The following CDV3 variants were observed in gnomAD, a reference collection of about 807,000 sequenced individuals.
The protein encoded by CDV3 is protein CDV3 homolog.
In CDV3, 14 loss-of-function variants were observed where a neutral mutation model predicts 24.5. That is an observed-to-expected ratio of 0.57 (90% CI 0.38 to 0.89). The LOEUF (loss-of-function observed/expected upper bound fraction) is 0.89, where lower values mean the gene tolerates loss of function less well. CDV3 is among the 40% of genes least tolerant of loss of function. The pLI, the probability that CDV3 is intolerant of heterozygous loss-of-function variation, is 0.00. For missense variants in CDV3, 304 were observed against 310.2 expected (o/e 0.98, Z 0.15); for synonymous variants, 114 against 114.1 (o/e 1.00, Z 0.00).
intron 2 of CDV3, among the ~76,000 whole-genome samples, chr3:133,576,627 A>G (rs548573693): frequency 7.2e-5 from 11 of 152,252 alleles, no homozygotes; most frequent in African/African-American, 2.4e-4. Flanking sequence ...TTGTTAAACT[A>G]TGGAGATTAT....
intron 3 of CDV3, among the ~76,000 whole-genome samples, chr3:133,585,934 C>G (rs1053435937): frequency 1.3e-5 from 2 of 152,176 alleles, no homozygotes; most frequent in Non-Finnish European, 2.9e-5. Context: ...AAGTCCTATT[C>G]TGAGAGGCAG....
chr3:133,583,655 C>T (rs987395027), intron 2 of CDV3, among the ~76,000 whole-genome samples: 5 of 152,126 alleles, frequency 3.3e-5, no homozygotes, highest in South Asian at 2.1e-4. Context: ...CTCTGCCTTC[C>T]GGGTTCAAGG....
chr3:133,574,350 C>T lies in CDV3; in HGVS notation c.240+66C>T, dbSNP rs1302640736. 1.1e-5 allele frequency: 10 copies of T among 920,806 alleles called. No individual in the cohort carries two copies. The African/African-American group carries it at 1.8e-4, about 17-fold the overall frequency. 57.0% of individuals were successfully genotyped at this position (920,806 alleles called of 1,614,324 possible). The stretch of plus-strand genomic sequence containing the variant: ...CGCCGGCGCCCCATGTGCCCGCCCC[C>T]GCCTGCCGGGGAAGCGTCCGGGAGG... On this transcript the variant is annotated intron_variant, in intron 1 of 4. Transcript: ENST00000264993.
chr3:133,590,122 T>G lies in CDV3; in HGVS notation c.*2076T>G, dbSNP rs1432491644. 6.6e-6 allele frequency: 1 copy of G among 152,172 alleles called. No homozygotes were observed. Among genetic ancestry groups the G allele is most frequent in the African/African-American group, 2.4e-5 (1 of 41,444 alleles). 9.4% of individuals were successfully genotyped at this position (152,172 alleles called of 1,614,324 possible). A position where few individuals can be genotyped will look rare whatever the true frequency, so the allele number is the denominator to read the frequency against. ...AAAAGATTGTGAAAATATCAAAATATAAATGAATCAAGTTTTAATATACTG... is the reference window on the plus strand; with the variant it reads ...AAAAGATTGTGAAAATATCAAAATAGAAATGAATCAAGTTTTAATATACTG... On this transcript the variant is annotated 3_prime_UTR_variant, in exon 5 of 5. Transcript: ENST00000264993.
At position 133,573,908 on chromosome 3, in the gene CDV3, C is replaced by T. The variant is rs2074700108; in HGVS notation, c.-137C>T. The stretch of plus-strand genomic sequence containing the variant: ...GGAGCCGCCCGTCTCGCCGCGCACG[C>T]CTCGGCGACCCCGCGGGGCTGAGGC... On this transcript the variant is annotated 5_prime_UTR_variant, in exon 1 of 5. Transcript: ENST00000264993. The T allele has an allele frequency of 1.7e-6, 1 of 591,252 alleles. No individual in the cohort carries two copies. The highest frequency in any genetic ancestry group is 2.0e-5 in the African/African-American group (1 of 49,364). 36.6% of individuals were successfully genotyped at this position (591,252 alleles called of 1,614,324 possible). A position where few individuals can be genotyped will look rare whatever the true frequency, so the allele number is the denominator to read the frequency against.
intron 2 of CDV3, among the ~76,000 whole-genome samples, chr3:133,579,840 G>A (rs996961811): frequency 1.3e-5 from 2 of 152,092 alleles, no homozygotes; most frequent in Non-Finnish European, 2.9e-5. Context: ...TGATCTGCCC[G>A]CCTCTGCCTC....
chr3:133,574,477 T>G, intron 1 of CDV3, 193 bp downstream of exon 1: 1 of 986,250 alleles, frequency 1.0e-6, no homozygotes, highest in Non-Finnish European at 1.2e-6. Context: ...ATATCCGCGG[T>G]GGAGCCGCCC....
intron 2 of CDV3, among the ~76,000 whole-genome samples, chr3:133,577,316 A>G (rs963191230): frequency 6.8e-6 from 1 of 146,978 alleles, no homozygotes. Flanking sequence ...ATCTTTTTCT[A>G]TTTCTCGGTA....
intron 2 of CDV3, among the ~76,000 whole-genome samples, chr3:133,580,505 C>T (rs758309672): frequency 1.3e-5 from 2 of 152,172 alleles, no homozygotes; most frequent in Admixed American, 1.3e-4. Context: ...GAGTTCGAGA[C>T]CAGCCTGGCC....
At chr3:133,574,855 C>T in intron 1 of CDV3, 184 bp from the exon 2 acceptor site, 2 of 737,934 alleles carry the variant, frequency 2.7e-6, no homozygotes, top group Non-Finnish European at 4.1e-6. Flanking sequence ...TAGTGTTAGC[C>T]TACGAGCATG....
chr3:133,587,082 T>A, intron 4 of CDV3: 1 of 729,500 alleles, frequency 1.4e-6, no homozygotes. Context: ...GCTGTTTAAT[T>A]GTATTCCCAG....
At chr3:133,583,094 G>A (rs972936301) in intron 2 of CDV3, among the ~76,000 whole-genome samples, 3 of 152,118 alleles carry the variant, frequency 2.0e-5, no homozygotes, top group Middle Eastern at 3.2e-3. Flanking sequence ...GTCTTAAGAT[G>A]GTATGTTACC....
intron 2 of CDV3, among the ~76,000 whole-genome samples, chr3:133,576,271 T>C (rs561621000): frequency 1.3e-4 from 20 of 152,322 alleles, no homozygotes; most frequent in African/African-American, 4.6e-4. Flanking sequence ...TTCTTTGTAG[T>C]GGTGTTGAGT....
In CDV3 at chr3:133,588,076, A is replaced by G. The variant is rs1436782998; in HGVS notation, c.*30A>G. ...TGGGCTTTGCTAACCCTTCTGAGGT[A>G]ACTAGACTGCAGCTAACCACCACCA... On this transcript the variant is annotated 3_prime_UTR_variant, in exon 5 of 5. Coordinates refer to ENST00000264993, the MANE Select transcript of CDV3 (RefSeq NM_017548.5). The G allele has an allele frequency of 1.2e-6, 2 of 1,602,466 alleles. No individual in the cohort carries two copies. The highest frequency in any genetic ancestry group is 1.7e-6 in the Non-Finnish European group (2 of 1,174,510).
In CDV3 at chr3:133,589,677, T is replaced by C. The variant is rs1285018531; in HGVS notation, c.*1631T>C. The C allele has an allele frequency of 6.6e-6, 1 of 152,626 alleles. No individual in the cohort carries two copies. The highest frequency in any genetic ancestry group is 1.5e-5 in the Non-Finnish European group (1 of 68,026). 9.5% of individuals were successfully genotyped at this position (152,626 alleles called of 1,614,324 possible). On this transcript the variant is annotated 3_prime_UTR_variant, in exon 5 of 5. Transcript: ENST00000264993. ...GTGGGAGCGTTTTCAGATAGGAGTT[T>C]AGTCTTGACGAAAGTGTCCGTGCAG...
At chr3:133,576,841 C>CTTTTTTTTTTTGTTTTTTTTTTTTTT (rs2074828643) in intron 2 of CDV3, among the ~76,000 whole-genome samples, 1 of 62,388 alleles carries the variant, frequency 1.6e-5, no homozygotes, top group Non-Finnish European at 2.8e-5. Context: ...GGTAGACTAG[C>CTTTTTTTTTTTGTTTTTTTTTTTTTT]TTTTTTTTTT....
At chr3:133,585,688 G>A (rs1933529040) in intron 3 of CDV3, among the ~76,000 whole-genome samples, 1 of 151,672 alleles carries the variant, frequency 6.6e-6, no homozygotes, top group Non-Finnish European at 1.5e-5. Context: ...TAGAGACGGG[G>A]TTTCACCATT....
At chr3:133,580,804 GTGCTGGGATTAGGGC>G (rs1334303071) in intron 2 of CDV3, among the ~76,000 whole-genome samples, 2 of 152,106 alleles carry the variant, frequency 1.3e-5, no homozygotes, top group African/African-American at 4.8e-5. Context: ...GCCTTCCAAA[GTGCTGGGATTAGGGC>G]ATGAGCCACT....
At chr3:133,581,152 G>T (rs1273709855) in intron 2 of CDV3, among the ~76,000 whole-genome samples, 1 of 152,074 alleles carries the variant, frequency 6.6e-6, no homozygotes, top group Non-Finnish European at 1.5e-5. Flanking sequence ...GGAGGCAGAG[G>T]TAGGAGGATC....
Sources: allele counts gnomAD v4.1 joint callset (sites outside exome capture counted in the v4.1 genomes callset), GRCh38; gene constraint gnomAD v4.1.1; transcripts MANE v1.5; gene names NCBI Gene and HGNC (gene_info 2026-07-23, HGNC 2026-07-21).